The following SIPA1L1 variants were observed in gnomAD, a reference collection of about 807,000 sequenced individuals.
SIPA1L1 encodes signal induced proliferation associated 1 like 1, also known as signal-induced proliferation-associated 1-like protein 1.
A neutral mutation model predicts 162.7 loss-of-function variants in SIPA1L1; 26 were observed. The ratio of observed to expected loss-of-function variants is 0.16; its 90% confidence interval spans 0.12 to 0.22. SIPA1L1 has a LOEUF of 0.22. SIPA1L1 is among the 10% of genes least tolerant of loss of function. SIPA1L1 has a pLI of 1.00. For synonymous variants in SIPA1L1, 829 were observed against 837.4 expected (o/e 0.99, Z 0.17); for missense variants, 1,874 against 2,241.0 (o/e 0.84, Z 3.31).
chr14:71,678,512 G>T (rs1464063869), intron 12 of SIPA1L1, among the ~76,000 whole-genome samples: 1 of 152,152 alleles, frequency 6.6e-6, no homozygotes, highest in African/African-American at 2.4e-5. Context: ...TGGTGGATAA[G>T]CTTTTTGATG....
intron 5 of SIPA1L1, among the ~76,000 whole-genome samples, chr14:71,614,858 A>G (rs1263154284): frequency 6.6e-6 from 1 of 152,202 alleles, no homozygotes; most frequent in African/African-American, 2.4e-5. Context: ...AAGTAACCTT[A>G]TTAACACAAT....
chr14:71,402,242 T>A (rs1488248213), intron 2 of SIPA1L1, among the ~76,000 whole-genome samples: 1 of 152,138 alleles, frequency 6.6e-6, no homozygotes, highest in Non-Finnish European at 1.5e-5. Flanking sequence ...TAACTTATTA[T>A]TGAGAGGCAA....
chr14:71,733,738 G>T lies in SIPA1L1; in HGVS notation c.4934G>T (p.Gly1645Val). ...CGCAGGCAGCCTATGCCCGACCCTG[G>T]CCTGATGCCCCTGCCTGACACTGCT... ...ETRRQPMPDP[G>V]LMPLPDTAAD... The change falls in exon 21 of 24, where the codon GGC becomes GTC. Residue 1645 changes from glycine to valine, a missense_variant. Physicochemically the swap from Gly to Val is moderately radical, Grantham distance 109 (BLOSUM62 -3). Coordinates refer to ENST00000381232, the MANE Select transcript of SIPA1L1 (RefSeq NM_001386936.1). The T allele has an allele frequency of 3.7e-6, 6 of 1,613,816 alleles. No individual in the cohort carries two copies. The highest frequency in any genetic ancestry group is 4.2e-6 in the Non-Finnish European group (5 of 1,180,020).
In SIPA1L1 at chr14:71,440,202, AT is replaced by A. The variant is rs1267612077; in HGVS notation, c.-464-72537del. ...CACCATTCCTGGCTGATTTTTTTCT[AT>A]TTTAGTAGAGATGGGGTTTCACCAT... On this transcript the variant is annotated intron_variant, in intron 2 of 23. Coordinates refer to ENST00000381232, the MANE Select transcript of SIPA1L1 (RefSeq NM_001386936.1). Among the ~76,000 whole-genome samples the A allele has an allele frequency of 2.0e-5, 3 of 151,496 alleles. No individual in the cohort carries two copies. The East Asian group carries it at 5.8e-4, about 29-fold the overall frequency.
intron 3 of SIPA1L1, among the ~76,000 whole-genome samples, chr14:71,525,437 C>A (rs1945133656): frequency 6.6e-6 from 1 of 152,206 alleles, no homozygotes; most frequent in African/African-American, 2.4e-5. Context: ...CCCGCCTCGG[C>A]CTCCCAAAGT....
At chr14:71,461,879 T>C (rs190236232) in intron 2 of SIPA1L1, among the ~76,000 whole-genome samples, 18 of 152,280 alleles carry the variant, frequency 1.2e-4, no homozygotes, top group Non-Finnish European at 2.4e-4. Context: ...TCTCTTCCTC[T>C]GTCAACTGAT....
chr14:71,433,558 C>T (rs1453832714), intron 2 of SIPA1L1, among the ~76,000 whole-genome samples: 1 of 152,178 alleles, frequency 6.6e-6, no homozygotes, highest in Non-Finnish European at 1.5e-5. Flanking sequence ...CTCAAGGGAT[C>T]CTGCCACCTC....
chr14:71,647,284 C>T (rs1437561173), intron 7 of SIPA1L1, among the ~76,000 whole-genome samples: 1 of 151,922 alleles, frequency 6.6e-6, no homozygotes, highest in African/African-American at 2.4e-5. Flanking sequence ...AGGTGGAGCT[C>T]ACTAGGGTAT....
At chr14:71,380,756 C>T (rs142348461) in intron 2 of SIPA1L1, among the ~76,000 whole-genome samples, 1 of 152,210 alleles carries the variant, frequency 6.6e-6, no homozygotes, top group Non-Finnish European at 1.5e-5. Flanking sequence ...ATTTTTCAGG[C>T]CTTTTAGATC....
intron 12 of SIPA1L1, among the ~76,000 whole-genome samples, chr14:71,677,083 CCCA>C: frequency 1.3e-5 from 2 of 152,328 alleles, no homozygotes; most frequent in South Asian, 4.1e-4. Flanking sequence ...AGTTTACACT[CCCA>C]CCAACAGTGT....
At chr14:71,402,692 A>G (rs2041761024) in intron 2 of SIPA1L1, among the ~76,000 whole-genome samples, 1 of 152,136 alleles carries the variant, frequency 6.6e-6, no homozygotes, top group Non-Finnish European at 1.5e-5. Flanking sequence ...ACTCCTTCCT[A>G]AAATAGAGAT....
chr14:71,687,347 C>T (rs2080947414), intron 13 of SIPA1L1, among the ~76,000 whole-genome samples: 1 of 152,160 alleles, frequency 6.6e-6, no homozygotes. Flanking sequence ...ACTTGGCTGC[C>T]TCTGAGGTGT....
At chr14:71,683,198 A>T (rs2045966983) in intron 12 of SIPA1L1, among the ~76,000 whole-genome samples, 1 of 152,214 alleles carries the variant, frequency 6.6e-6, no homozygotes. Flanking sequence ...ATAGAAGCTT[A>T]GCTAGGGAAT....
At chr14:71,699,815 CT>C (rs2081947569) in intron 14 of SIPA1L1, among the ~76,000 whole-genome samples, 1 of 152,204 alleles carries the variant, frequency 6.6e-6, no homozygotes, top group Non-Finnish European at 1.5e-5. Context: ...TATTTCAAAG[CT>C]GTCAGCCTGC....
At chr14:71,538,704 T>A (rs2054116106) in intron 4 of SIPA1L1, among the ~76,000 whole-genome samples, 1 of 150,902 alleles carries the variant, frequency 6.6e-6, no homozygotes, top group Non-Finnish European at 1.5e-5. Flanking sequence ...TCTGTTGCAG[T>A]GCTTGATAAA....
chr14:71,692,984 A>C (rs1387338818), intron 13 of SIPA1L1, among the ~76,000 whole-genome samples: 1 of 152,046 alleles, frequency 6.6e-6, no homozygotes, highest in East Asian at 1.9e-4. Flanking sequence ...CATCCCCATG[A>C]CTCAAGTAGG....
At position 71,570,075 on chromosome 14, in the gene SIPA1L1, G is replaced by A. The variant is rs116514419; in HGVS notation, c.-302-17496G>A. ...GTGATTCCCTGGATGTAGATACAAA[G>A]TTTAGAGGATAAGCAGATGTTAGGA... is the stretch of plus-strand genomic sequence containing the variant. On this transcript the variant is annotated intron_variant, in intron 4 of 23. Coordinates refer to ENST00000381232, the MANE Select transcript of SIPA1L1 (RefSeq NM_001386936.1). Among the ~76,000 whole-genome samples the A allele has an allele frequency of 3.4e-3, 523 of 152,206 alleles. 4 individuals are homozygous for A. Among genetic ancestry groups the A allele is most frequent in the African/African-American group, 0.012 (499 of 41,506 alleles).
Position 71,671,616 on chromosome 14 carries a change from A to G in SIPA1L1, c.2753A>G (p.Tyr918Cys), listed in dbSNP as rs756413739. Residue 918 changes from tyrosine to cysteine, a missense_variant, in exon 11 of 24, where the codon TAT becomes TGT. Coordinates refer to ENST00000381232, the MANE Select transcript of SIPA1L1 (RefSeq NM_001386936.1). Reference protein sequence around the residue: ...TSTDTSLKIFYERGECVSVGS... With the variant: ...TSTDTSLKIFCERGECVSVGS... ...ACTGACACCAGCCTCAAAATCTTCT[A>G]TGAACGAGGAGAATGTGTTTCAGTG... 7 of 1,614,084 alleles carry G rather than the reference A, an allele frequency of 4.3e-6. No homozygotes were observed. The East Asian group carries it at 6.7e-5, about 15-fold the overall frequency.
At chr14:71,461,844 A>G (rs2046626620) in intron 2 of SIPA1L1, among the ~76,000 whole-genome samples, 1 of 152,148 alleles carries the variant, frequency 6.6e-6, no homozygotes, top group South Asian at 2.1e-4. Context: ...ATCGTGCAGA[A>G]CCATCTGTGA....
Sources: gnomAD v4.1 joint callset for allele counts (sites outside exome capture counted in the v4.1 genomes callset) on GRCh38, gnomAD v4.1.1 for gene constraint, MANE v1.5 for transcripts, NCBI Gene and HGNC (gene_info 2026-07-23, HGNC 2026-07-21) for gene names.